Variants in NAALADL2 observed in about 807,000 individuals in gnomAD.
NAALADL2 encodes N-acetylated alpha-linked acidic dipeptidase like 2.
In NAALADL2, 76 loss-of-function variants were observed where a neutral mutation model predicts 87.2. The ratio of observed to expected loss-of-function variants is 0.87; its 90% confidence interval spans 0.72 to 1.05. NAALADL2 has a LOEUF of 1.05. NAALADL2 is among the 50% of genes least tolerant of loss of function. NAALADL2 has a pLI of 0.00. For missense variants in NAALADL2, 1,089 were observed against 945.8 expected, an observed-to-expected ratio of 1.15 and a Z score of -1.99; for synonymous variants, 354 against 331.0, an observed-to-expected ratio of 1.07 and a Z score of -0.75.
At chr3:174,969,294 G>A (rs765260982) in intron 1 of NAALADL2, among the ~76,000 whole-genome samples, 11 of 151,988 alleles carry the variant, frequency 7.2e-5, no homozygotes, top group South Asian at 2.1e-4. Flanking sequence ...CTAGATTAGC[G>A]TACTTTCCTG....
intron 3 of NAALADL2, among the ~76,000 whole-genome samples, chr3:174,771,203 A>C (rs1416173399): frequency 6.6e-6 from 1 of 152,214 alleles, no homozygotes; most frequent in Non-Finnish European, 1.5e-5. Context: ...GAGGCAAAGC[A>C]TCTGATCTCT....
intron 10 of NAALADL2, among the ~76,000 whole-genome samples, chr3:175,625,303 T>C (rs773651303): frequency 5.9e-5 from 9 of 152,052 alleles, no homozygotes; most frequent in Non-Finnish European, 1.2e-4. Context: ...TGGGTGTTAT[T>C]ACCTTTTTCC....
chr3:175,241,949 C>T (rs890381839), intron 3 of NAALADL2, among the ~76,000 whole-genome samples: 6 of 143,430 alleles, frequency 4.2e-5, no homozygotes, highest in Non-Finnish European at 7.5e-5. Context: ...GCAACCTCTG[C>T]CTCCTGGGTT....
intron 1 of NAALADL2, among the ~76,000 whole-genome samples, chr3:174,882,755 GTA>G (rs1181734175): frequency 7.2e-6 from 1 of 138,280 alleles, no homozygotes; most frequent in Non-Finnish European, 1.6e-5. Flanking sequence ...ATACACACGT[GTA>G]TATATACACA....
chr3:174,923,382 A>C (rs549070922), intron 1 of NAALADL2, among the ~76,000 whole-genome samples: 14 of 152,190 alleles, frequency 9.2e-5, no homozygotes, highest in African/African-American at 2.9e-4. Flanking sequence ...TATTTAATCA[A>C]TAACTAAATA....
chr3:174,781,623 TAGAG>T (rs1330606591), intron 3 of NAALADL2, among the ~76,000 whole-genome samples: 3 of 151,896 alleles, frequency 2.0e-5, no homozygotes, highest in Non-Finnish European at 2.9e-5. Flanking sequence ...TGGATAGTGA[TAGAG>T]AGGGAAATTG....
intron 1 of NAALADL2, among the ~76,000 whole-genome samples, chr3:174,866,837 G>A (rs949990058): frequency 2.0e-5 from 3 of 151,654 alleles, no homozygotes; most frequent in Non-Finnish European, 4.4e-5. Context: ...AAATATTAAT[G>A]TGTTTATTCT....
At chr3:175,366,385 T>G (rs939308654) in intron 5 of NAALADL2, among the ~76,000 whole-genome samples, 1 of 151,862 alleles carries the variant, frequency 6.6e-6, no homozygotes, top group East Asian at 1.9e-4. Context: ...GTAATGGGAT[T>G]GGTGGGTCAA....
chr3:174,787,584 T>TGTGTATATATATACATATATATATATAC (rs1560225453), intron 3 of NAALADL2, among the ~76,000 whole-genome samples: 1 of 59,214 alleles, frequency 1.7e-5, no homozygotes, highest in Non-Finnish European at 3.6e-5. Context: ...ATCATATATA[T>TGTGTATATATATACATATATATATATAC]ATATATATAT....
chr3:174,483,098 G>C (rs1189978404), intron 1 of NAALADL2, among the ~76,000 whole-genome samples: 1 of 151,998 alleles, frequency 6.6e-6, no homozygotes, highest in African/African-American at 2.4e-5. Context: ...CAACTGGTCT[G>C]ACTTTAGGCC....
intron 9 of NAALADL2, among the ~76,000 whole-genome samples, chr3:175,557,005 G>A (rs889067499): frequency 7.2e-5 from 11 of 152,168 alleles, no homozygotes; most frequent in African/African-American, 2.7e-4. Context: ...CCAGCTCATT[G>A]TCAGTTTTGA....
intron 1 of NAALADL2, among the ~76,000 whole-genome samples, chr3:174,864,841 T>C (rs1049348130): frequency 6.6e-6 from 1 of 152,022 alleles, no homozygotes; most frequent in Non-Finnish European, 1.5e-5. Flanking sequence ...TAACCAAACA[T>C]GTATTTGATT....
chr3:175,040,411 T>C (rs1282639656), intron 1 of NAALADL2, among the ~76,000 whole-genome samples: 2 of 152,192 alleles, frequency 1.3e-5, no homozygotes, highest in Non-Finnish European at 2.9e-5. Flanking sequence ...AAAAGAGGAC[T>C]GGACCTGCAA....
chr3:175,760,098 C>A (rs955629409), intron 13 of NAALADL2, among the ~76,000 whole-genome samples: 2 of 151,960 alleles, frequency 1.3e-5, no homozygotes, highest in African/African-American at 4.8e-5. Flanking sequence ...AGCAAAGGAC[C>A]AATTTAGGAC....
chr3:175,394,448 C>T (rs1769499643), intron 5 of NAALADL2, among the ~76,000 whole-genome samples: 1 of 152,112 alleles, frequency 6.6e-6, no homozygotes, highest in East Asian at 1.9e-4. Context: ...ATTCCTGTAA[C>T]AAAATATCAC....
intron 1 of NAALADL2, among the ~76,000 whole-genome samples, chr3:174,469,997 T>A (rs983267976): frequency 6.6e-6 from 1 of 152,208 alleles, no homozygotes; most frequent in African/African-American, 2.4e-5. Context: ...TATTCTTGTA[T>A]TTCTCATTTA....
At chr3:174,701,598 C>G (rs1370398776) in intron 2 of NAALADL2, among the ~76,000 whole-genome samples, 1 of 152,046 alleles carries the variant, frequency 6.6e-6, no homozygotes, top group Non-Finnish European at 1.5e-5. Context: ...TGTTTTAATT[C>G]CATTTTCTCA....
intron 3 of NAALADL2, among the ~76,000 whole-genome samples, chr3:175,249,308 A>G (rs1168212408): frequency 2.6e-5 from 4 of 152,024 alleles, no homozygotes; most frequent in Non-Finnish European, 5.9e-5. Context: ...TTCATTTGTG[A>G]AAAGTTTGAT....
chr3:174,997,288 A>T (rs1010778136), intron 1 of NAALADL2, among the ~76,000 whole-genome samples: 3 of 152,032 alleles, frequency 2.0e-5, no homozygotes, highest in African/African-American at 7.2e-5. Flanking sequence ...TTACATTCCC[A>T]CCAGCAGTGT....
Sources: gnomAD v4.1 joint callset for allele counts (sites outside exome capture counted in the v4.1 genomes callset) on GRCh38, gnomAD v4.1.1 for gene constraint, MANE v1.5 for transcripts, NCBI Gene and HGNC (gene_info 2026-07-23, HGNC 2026-07-21) for gene names.